The following SYNE3 variants were observed in gnomAD, a reference collection of about 807,000 sequenced individuals.
SYNE3 encodes spectrin repeat containing nuclear envelope family member 3, also known as nesprin-3.
In SYNE3, 100 loss-of-function variants were observed where a neutral mutation model predicts 111.2. That is an observed-to-expected ratio of 0.90 (90% CI 0.77 to 1.06). The LOEUF (loss-of-function observed/expected upper bound fraction) is 1.06. Ranked by LOEUF, SYNE3 falls within the 50% of genes least tolerant of loss-of-function variation. SYNE3 has a pLI of 0.00. For missense variants in SYNE3, 1,160 were observed against 1,240.3 expected, an observed-to-expected ratio of 0.94 and a Z score of 0.97; for synonymous variants, 547 against 533.9, an observed-to-expected ratio of 1.02 and a Z score of -0.34.
chr14:95,474,082 T>TGTGAG (rs1330161083), intron 2 of SYNE3, among the ~76,000 whole-genome samples: 1 of 150,160 alleles, frequency 6.7e-6, no homozygotes, highest in Non-Finnish European at 1.5e-5. Flanking sequence ...GGTGTGAGCT[T>TGTGAG]GTGAGGTGTG....
intron 8 of SYNE3, 112 bp downstream of exon 8, chr14:95,449,819 C>T (rs367712989): frequency 1.4e-6 from 2 of 1,460,620 alleles, no homozygotes; most frequent in South Asian, 1.4e-5. Context: ...GTGAGCTCTC[C>T]CCAGATATCC....
chr14:95,486,181 G>T (rs538593939), intron 1 of SYNE3, among the ~76,000 whole-genome samples: 54 of 152,222 alleles, frequency 3.5e-4, no homozygotes, highest in African/African-American at 1.3e-3. Context: ...CTGCTCTGGG[G>T]CAAGGCTAAT....
At chr14:95,431,122 G>A (rs997531404) in intron 17 of SYNE3, among the ~76,000 whole-genome samples, 11 of 152,320 alleles carry the variant, frequency 7.2e-5, no homozygotes, top group Non-Finnish European at 1.3e-4. Context: ...GTGTCATTAC[G>A]GGCCAATGCC....
At chr14:95,471,133 C>T (rs978330519) in intron 2 of SYNE3, among the ~76,000 whole-genome samples, 15 of 152,218 alleles carry the variant, frequency 9.9e-5, no homozygotes, top group African/African-American at 3.6e-4. Context: ...AGGAATGATT[C>T]TCTACAGCTG....
At chr14:95,445,580 A>G (rs1361133433) in intron 9 of SYNE3, among the ~76,000 whole-genome samples, 1 of 152,240 alleles carries the variant, frequency 6.6e-6, no homozygotes, top group Admixed American at 6.5e-5. Flanking sequence ...TAAATTTTAC[A>G]AGGACTTTTA....
chr14:95,506,646 G>T (rs113769391), intron 1 of SYNE3, among the ~76,000 whole-genome samples: 1,531 of 152,352 alleles, frequency 0.01, 23 homozygotes, highest in African/African-American at 0.035. Flanking sequence ...CACGTCCTCA[G>T]CTAAGGAGCA....
Position 95,455,429 on chromosome 14 carries a change from G to T in SYNE3, c.1085C>A (p.Ala362Glu), listed in dbSNP as rs781163437. The T allele has an allele frequency of 1.3e-6, 2 of 1,574,716 alleles. No individual in the cohort carries two copies. The highest frequency in any genetic ancestry group is 4.5e-5 in the East Asian group (2 of 44,356). The change falls in exon 6 of 18, where the codon GCG (alanine) becomes GAG (glutamate). Residue 362 changes from alanine (A) to glutamate (E), a missense_variant. By Grantham distance (107) the Ala-to-Glu change is moderately radical. Coordinates refer to ENST00000682763, the MANE Select transcript of SYNE3 (RefSeq NM_152592.6). ...CTCGTCCTCGGTCCCCGCTTTCGCC[G>T]CAGGCTGCAGGCCCTCCTGGGCCAG... ...QRLAQEGLQP[A>E]AKAGTEDELV...
intron 8 of SYNE3, among the ~76,000 whole-genome samples, chr14:95,449,327 A>C (rs764907909): frequency 1.3e-4 from 20 of 152,164 alleles, no homozygotes; most frequent in Non-Finnish European, 2.8e-4. Flanking sequence ...TGACCAACCA[A>C]TGAGATGTGA....
At chr14:95,477,022 G>T (rs78015572) in intron 1 of SYNE3, among the ~76,000 whole-genome samples, 2,121 of 152,314 alleles carry the variant, frequency 0.014, 58 homozygotes, top group African/African-American at 0.048. Context: ...TACCAAAAAA[G>T]AGACAAAATT....
intron 8 of SYNE3, among the ~76,000 whole-genome samples, chr14:95,446,856 C>T (rs10138089): frequency 0.028 from 4,284 of 152,276 alleles, 203 homozygotes; most frequent in African/African-American, 0.098. Flanking sequence ...TTCTTGCCCC[C>T]AAAGCCCTGC....
chr14:95,511,515 A>C (rs558215690), intron 1 of SYNE3, among the ~76,000 whole-genome samples: 8 of 152,260 alleles, frequency 5.3e-5, no homozygotes, highest in South Asian at 4.1e-4. Context: ...CCTGGCCAAC[A>C]AGGTGAAACC....
chr14:95,470,883 G>C lies in SYNE3; in HGVS notation c.145-2916C>G, dbSNP rs1305579253. ...TGAGGCAGGAGACTTGCTTGAACCT[G>C]GGAGGCAGATGTTGCAGTGAGCCGA... On this transcript the variant is annotated intron_variant, in intron 2 of 17. Transcript: ENST00000682763. The surrounding 1 kb of genome is among the most constrained non-coding windows in gnomAD (Gnocchi z 4.2). Among the ~76,000 whole-genome samples, 1 of 151,614 alleles carries C rather than the reference G, an allele frequency of 6.6e-6. No homozygotes were observed. The highest frequency in any genetic ancestry group is 1.5e-5 in the Non-Finnish European group (1 of 67,940).
chr14:95,457,082 C>T (rs1338305988), intron 5 of SYNE3, 95 bp downstream of exon 5: 5 of 1,240,624 alleles, frequency 4.0e-6, no homozygotes, highest in Non-Finnish European at 5.3e-6. Context: ...AAGACTCCAT[C>T]TCAAAAAAAA....
chr14:95,446,950 G>A (rs539750788), intron 8 of SYNE3, among the ~76,000 whole-genome samples: 43 of 152,248 alleles, frequency 2.8e-4, no homozygotes, highest in African/African-American at 7.7e-4. Context: ...TTCTAATCGA[G>A]AGTCTGGGGT....
chr14:95,493,572 A>C (rs968356464), intron 1 of SYNE3, among the ~76,000 whole-genome samples: 1 of 152,242 alleles, frequency 6.6e-6, no homozygotes, highest in Admixed American at 6.5e-5. Context: ...AAATTTTTGA[A>C]TCAAACAACA....
rs146201282 is a variant in SYNE3 at position 95,408,174 on chromosome 14, T to A, written c.*9652A>T. 6.6e-6 allele frequency: 1 copy of A among 152,020 alleles called. No homozygotes were observed. Among genetic ancestry groups the A allele is most frequent in the Non-Finnish European group, 1.5e-5 (1 of 67,998 alleles). 9.4% of individuals were successfully genotyped at this position (152,020 alleles called of 1,614,324 possible). On this transcript the variant is annotated 3_prime_UTR_variant, in exon 18 of 18. Transcript: ENST00000682763. ...TCTGAGGAGACATGGGGCCCTCCCA[T>A]GGGACGGATGACAAATGAAACGAAA...
chr14:95,432,633 CTATTATTATTATTATTAT>C (rs3036482), intron 16 of SYNE3, among the ~76,000 whole-genome samples: 84 of 142,478 alleles, frequency 5.9e-4, no homozygotes, highest in South Asian at 3.4e-3. Context: ...ACTAGTTTTG[CTATTATTATTATTATTAT>C]TATTATTATT....
intron 8 of SYNE3, 61 bp from the exon 9 acceptor site, chr14:95,446,152 C>T: frequency 6.3e-7 from 1 of 1,585,766 alleles, no homozygotes; most frequent in Non-Finnish European, 8.6e-7. Flanking sequence ...AGAAACAGAG[C>T]CAGGGGCACA....
At chr14:95,418,074 GT>G in intron 17 of SYNE3, 48 bp from the exon 18 acceptor site, 1 of 1,596,054 alleles carries the variant, frequency 6.3e-7, no homozygotes, top group Admixed American at 1.7e-5. Context: ...GGCTCTGGTG[GT>G]GGGGGGCAGG....
Sources: allele counts gnomAD v4.1 joint callset (sites outside exome capture counted in the v4.1 genomes callset), GRCh38; gene constraint gnomAD v4.1.1; non-coding constraint Gnocchi (gnomAD v3.1); transcripts MANE v1.5; gene names NCBI Gene and HGNC (gene_info 2026-07-23, HGNC 2026-07-21).